Variants in RHOBTB2 observed in about 807,000 individuals in gnomAD.
RHOBTB2 encodes the protein Rho related BTB domain containing 2.
In RHOBTB2, 39 loss-of-function variants were observed where a neutral mutation model predicts 66.5. That is an observed-to-expected ratio of 0.59 (90% confidence interval 0.45 to 0.77). The LOEUF is 0.77. Among genes scored for constraint, RHOBTB2 ranks in the 30% least tolerant of loss-of-function variants. The pLI is 0.00. For missense variants in RHOBTB2, 755 were observed against 999.1 expected (o/e 0.76, Z 3.29); for synonymous variants, 390 against 395.0 (o/e 0.99, Z 0.15).
At chr8:22,995,786 T>C (rs1332087847), upstream of RHOBTB2, 20 of 1,472,024 alleles carry the variant, frequency 1.4e-5, no homozygotes, top group South Asian at 4.8e-5. Context: ...AGCCTGCACA[T>C]GGCAGGGGAT....
intron 7 of RHOBTB2, among the ~76,000 whole-genome samples, chr8:23,014,307 AACTC>A (rs1811227120): frequency 6.6e-6 from 1 of 152,238 alleles, no homozygotes; most frequent in Non-Finnish European, 1.5e-5. Context: ...TCCTAGTTCT[AACTC>A]ACAGTTCTCA....
chr8:23,003,953 A>G lies in RHOBTB2; in HGVS notation c.-10-472A>G, dbSNP rs144986966. The G allele has an allele frequency of 2.2e-3, 506 of 231,162 alleles. 2 individuals are homozygous for G. Among genetic ancestry groups the G allele is most frequent in the African/African-American group, 0.01 (459 of 43,812 alleles). 14.3% of individuals were successfully genotyped at this position (231,162 alleles called of 1,614,324 possible). ...GCTGCCCAGTTCTGACAAGTCCATT[A>G]AATTTTAAAGTGCCCTGCCCTCAGG... On this transcript the variant is annotated intron_variant, in intron 1 of 9. Transcript: ENST00000251822.
At chr8:22,965,233 T>C in the RHOBTB2 span, among the ~76,000 whole-genome samples, 3 of 152,172 alleles carry the variant, frequency 2.0e-5, no homozygotes, top group Non-Finnish European at 1.5e-5. Flanking sequence ...GTCAACCTCA[T>C]AGCTGACTTT....
intron 9 of RHOBTB2, among the ~76,000 whole-genome samples, chr8:23,016,845 G>A (rs192484438): frequency 6.6e-6 from 1 of 152,242 alleles, no homozygotes; most frequent in Non-Finnish European, 1.5e-5. Flanking sequence ...CTGCTGCTGT[G>A]TCCTGCTGTG....
chr8:23,011,737 C>T (rs1357742154), intron 7 of RHOBTB2, among the ~76,000 whole-genome samples: 1 of 152,126 alleles, frequency 6.6e-6, no homozygotes, highest in East Asian at 1.9e-4. Flanking sequence ...CTAGTGGTGG[C>T]GGCAGGGGTA....
At chr8:23,002,938 C>T (rs751449946) in intron 1 of RHOBTB2, among the ~76,000 whole-genome samples, 1 of 152,212 alleles carries the variant, frequency 6.6e-6, no homozygotes, top group African/African-American at 2.4e-5. Context: ...TTGGATATTT[C>T]GGTCTGCATC....
chr8:23,006,551 A>T lies in RHOBTB2; in HGVS notation c.483-177A>T, dbSNP rs1810954873. ...CATAGTAGGGAAAGCTTTCTGGAAG[A>T]AAAAGGGCTTGGAGTGGACCTTGAA... On this transcript the variant is annotated intron_variant, in intron 4 of 9. Transcript: ENST00000251822. The surrounding 1 kb of genome is among the most constrained non-coding windows in gnomAD (Gnocchi z 6.1). The T allele has an allele frequency of 1.5e-6, 1 of 648,664 alleles. No homozygotes were observed. The highest frequency in any genetic ancestry group is 3.0e-5 in the Admixed American group (1 of 33,468). 40.2% of individuals were successfully genotyped at this position (648,664 alleles called of 1,614,324 possible).
chr8:22,971,819 C>T, the RHOBTB2 span, among the ~76,000 whole-genome samples: 1 of 152,162 alleles, frequency 6.6e-6, no homozygotes, highest in African/African-American at 2.4e-5. Context: ...AGGATAACCT[C>T]CACTCTTCTC....
exon 1 of RHOBTB2, chr8:22,987,516 G>A (rs1025145504): frequency 2.0e-5 from 3 of 152,282 alleles, no homozygotes; most frequent in African/African-American, 7.2e-5. Flanking sequence ...ACTACTTCAG[G>A]ACAGGGAATA....
chr8:23,014,890 G>T (rs931468543), intron 8 of RHOBTB2, 112 bp downstream of exon 8: 1 of 843,624 alleles, frequency 1.2e-6, no homozygotes, highest in Non-Finnish European at 2.0e-6. Flanking sequence ...ACCTGTCATC[G>T]GACTGGGCTC....
the RHOBTB2 span, among the ~76,000 whole-genome samples, chr8:22,967,720 A>T: frequency 7.2e-6 from 1 of 138,202 alleles, no homozygotes; most frequent in African/African-American, 2.4e-5. Context: ...GGCTGTGGAG[A>T]GGGCAGAATG....
rs1810952806 is a variant in RHOBTB2, at chr8:23,006,450, T to C, written c.483-278T>C. On this transcript the variant is annotated intron_variant, in intron 4 of 9. Coordinates refer to ENST00000251822, the MANE Select transcript of RHOBTB2 (RefSeq NM_015178.3). The surrounding 1 kb of genome is among the most constrained non-coding windows in gnomAD (Gnocchi z 6.1). ...AATATGTGAGCATGTTAAATACCCA[T>C]GTGAAGCATTGCCTGCTAATTGCCA... 3 of 566,372 alleles carry C rather than the reference T, an allele frequency of 5.3e-6. No homozygotes were observed. The highest frequency in any genetic ancestry group is 4.6e-4 in the Middle Eastern group (1 of 2,160). 35.1% of individuals were successfully genotyped at this position (566,372 alleles called of 1,614,324 possible).
At chr8:23,001,883 G>T (rs887648195) in intron 1 of RHOBTB2, among the ~76,000 whole-genome samples, 3 of 152,216 alleles carry the variant, frequency 2.0e-5, no homozygotes, top group Non-Finnish European at 4.4e-5. Flanking sequence ...AACCCAGAAG[G>T]TCTGATGTCT....
At chr8:22,994,859 A>G (rs1246483977), upstream of RHOBTB2, among the ~76,000 whole-genome samples, 1 of 152,112 alleles carries the variant, frequency 6.6e-6, no homozygotes, top group African/African-American at 2.4e-5. Context: ...TCTGCCTCCC[A>G]GGTTTAAGCG....
chr8:23,006,202 C>T lies in RHOBTB2; in HGVS notation c.482+57C>T. ...TGGATGGGTGCCTCACCATGGCTCC[C>T]TGCTCAGCCCTGGGGGAATTCCACT... On this transcript the variant is annotated intron_variant, in intron 4 of 9. Coordinates refer to ENST00000251822, the MANE Select transcript of RHOBTB2 (RefSeq NM_015178.3). The surrounding 1 kb of genome is among the most constrained non-coding windows in gnomAD (Gnocchi z 6.1). 1 of 1,455,414 alleles carries T rather than the reference C, an allele frequency of 6.9e-7. No homozygotes were observed. The highest frequency in any genetic ancestry group is 9.4e-7 in the Non-Finnish European group (1 of 1,058,620). 90.2% of individuals were successfully genotyped at this position (1,455,414 alleles called of 1,614,324 possible). A position where few individuals can be genotyped will look rare whatever the true frequency, so the allele number is the denominator to read the frequency against.
chr8:22,970,629 T>G, the RHOBTB2 span, among the ~76,000 whole-genome samples: 2 of 152,100 alleles, frequency 1.3e-5, no homozygotes, highest in South Asian at 4.1e-4. Context: ...TTTGATTTAT[T>G]TTTTATTTTT....
chr8:22,990,760 C>T (rs181705479), intron 1 of RHOBTB2, among the ~76,000 whole-genome samples: 186 of 152,296 alleles, frequency 1.2e-3, no homozygotes, highest in Non-Finnish European at 2.0e-3. Flanking sequence ...GGCAGTACAG[C>T]AGCAGCCTGT....
chr8:22,988,381 C>T (rs2313573), intron 1 of RHOBTB2, among the ~76,000 whole-genome samples: 18 of 152,010 alleles, frequency 1.2e-4, no homozygotes, highest in African/African-American at 4.3e-4. Flanking sequence ...ACACTGGTTT[C>T]GAACTCCTGA....
chr8:22,979,892 G>C, the RHOBTB2 span, among the ~76,000 whole-genome samples: 24 of 151,122 alleles, frequency 1.6e-4, no homozygotes, highest in Admixed American at 1.6e-3. Context: ...TGAGTAGCTG[G>C]GACTATAGGC....
Sources: allele counts gnomAD v4.1 joint callset (sites outside exome capture counted in the v4.1 genomes callset), GRCh38; gene constraint gnomAD v4.1.1; non-coding constraint Gnocchi (gnomAD v3.1); transcripts MANE v1.5; gene names NCBI Gene and HGNC (gene_info 2026-07-23, HGNC 2026-07-21).